ATAD2B: variants seen among roughly 807,000 people sequenced by gnomAD.
ATAD2B encodes ATPase family AAA domain-containing protein 2B.
A neutral mutation model predicts 167.6 loss-of-function variants in ATAD2B; 40 were observed. The observed-to-expected ratio is 0.24, with a 90% CI of 0.19 to 0.31. The LOEUF (loss-of-function observed/expected upper bound fraction) is 0.31. ATAD2B is among the 10% of genes least tolerant of loss of function. The pLI is 1.00. For synonymous variants in ATAD2B, 579 were observed against 596.5 expected (o/e 0.97, Z 0.43); for missense variants, 1,242 against 1,757.2 (o/e 0.71, Z 5.24).
the ATAD2B span, among the ~76,000 whole-genome samples, chr2:23,704,521 C>G: frequency 1.3e-5 from 2 of 152,212 alleles, no homozygotes; most frequent in African/African-American, 4.8e-5. Flanking sequence ...AATCCCAGCA[C>G]TTTGGGAGGC....
the ATAD2B span, among the ~76,000 whole-genome samples, chr2:23,740,123 C>T: frequency 5.3e-5 from 8 of 152,166 alleles, no homozygotes; most frequent in Non-Finnish European, 1.2e-4. Flanking sequence ...ACCAGAGGTA[C>T]AAAGAGGAGC....
chr2:23,864,311 T>C (rs940053058), intron 11 of ATAD2B, among the ~76,000 whole-genome samples: 2 of 152,080 alleles, frequency 1.3e-5, no homozygotes, highest in East Asian at 3.9e-4. Flanking sequence ...AGCCAGAATA[T>C]TCTATTCTGC....
At chr2:23,920,412 G>A (rs1490123111) in intron 1 of ATAD2B, among the ~76,000 whole-genome samples, 2 of 152,140 alleles carry the variant, frequency 1.3e-5, no homozygotes, top group Admixed American at 1.3e-4. Flanking sequence ...AGTACTGAGG[G>A]TAAAAACTGT....
At position 23,869,769 on chromosome 2, in the gene ATAD2B, AAG is replaced by A. The variant is rs754508978; in HGVS notation, c.978-10_978-9del. The A allele has an allele frequency of 1.8e-5, 27 of 1,537,176 alleles. No homozygotes were observed. The highest frequency in any genetic ancestry group is 1.7e-4 in the Middle Eastern group (1 of 5,970). Reference sequence around the variant, plus strand: ...ATGGCATGCTTCTTTCTCCTATTTAAAGAGAGTAAAATCCTTAAAACCATTAT... The same window carrying A: ...ATGGCATGCTTCTTTCTCCTATTTAAAGAGTAAAATCCTTAAAACCATTAT... On this transcript the variant is annotated splice_polypyrimidine_tract_variant and intron_variant, in intron 8 of 27. Coordinates refer to ENST00000238789, the MANE Select transcript of ATAD2B (RefSeq NM_017552.4).
At chr2:23,861,365 TACAA>T (rs1399360394) in intron 12 of ATAD2B, among the ~76,000 whole-genome samples, 10 of 151,522 alleles carry the variant, frequency 6.6e-5, no homozygotes, top group African/African-American at 2.2e-4. Context: ...TAAAGATAGA[TACAA>T]ACATTTTTCT....
At chr2:23,874,024 T>C (rs1696406703) in intron 8 of ATAD2B, among the ~76,000 whole-genome samples, 1 of 151,654 alleles carries the variant, frequency 6.6e-6, no homozygotes, top group Non-Finnish European at 1.5e-5. Flanking sequence ...CAGTATCTAC[T>C]AAAAATACAA....
In ATAD2B at chr2:23,757,669, C is replaced by G. The variant is rs1401050526; in HGVS notation, c.3827G>C (p.Ser1276Thr). 6.2e-7 allele frequency: 1 copy of G among 1,613,814 alleles called. No homozygotes were observed. The highest frequency in any genetic ancestry group is 1.7e-5 in the Admixed American group (1 of 60,006). ...TTCCAGAACTGGTATTCCTTCAAAA[C>G]TGTCAGTGGAAGCCTCACCATTTAG... ...NCLNGEASTD[S>T]FEGIPVLECQ... The change falls in exon 25 of 28, where the codon AGT becomes ACT. Residue 1276 changes from serine to threonine, a missense_variant. By Grantham distance (58) the Ser-to-Thr change is moderately conservative. Transcript: ENST00000238789.
chr2:23,814,179 G>A (rs1686066842), intron 17 of ATAD2B, among the ~76,000 whole-genome samples: 1 of 152,138 alleles, frequency 6.6e-6, no homozygotes, highest in Non-Finnish European at 1.5e-5. Flanking sequence ...GAGTTTATAT[G>A]CATAGTTTTC....
the ATAD2B span, chr2:23,696,148 G>A: frequency 6.5e-7 from 1 of 1,548,512 alleles, no homozygotes; most frequent in Non-Finnish European, 8.7e-7. This position sits in a 1 kb window ranked among gnomAD's most constrained non-coding sequence, Gnocchi z 5.5. Context: ...GGCCCCCCGG[G>A]GTTGGGGCGG....
intron 12 of ATAD2B, among the ~76,000 whole-genome samples, chr2:23,862,094 G>A (rs1311074145): frequency 6.6e-6 from 1 of 152,100 alleles, no homozygotes; most frequent in African/African-American, 2.4e-5. Flanking sequence ...TACCTAGAGA[G>A]GCCAAGGCCG....
chr2:23,786,339 T>C (rs1399641300), intron 20 of ATAD2B, 116 bp from the exon 21 acceptor site: 2 of 864,334 alleles, frequency 2.3e-6, no homozygotes, highest in East Asian at 5.3e-5. Context: ...CATGTGTTGC[T>C]TAACAACAGG....
At chr2:23,807,815 TAA>T (rs375966207) in intron 18 of ATAD2B, among the ~76,000 whole-genome samples, 4,981 of 119,356 alleles carry the variant, frequency 0.042, 141 homozygotes, top group Middle Eastern at 0.071. Flanking sequence ...GACTCCATCT[TAA>T]AAAAAAAAAA....
At chr2:23,769,907 C>T (rs1372996874) in intron 22 of ATAD2B, among the ~76,000 whole-genome samples, 1 of 151,246 alleles carries the variant, frequency 6.6e-6, no homozygotes, top group Non-Finnish European at 1.5e-5. Flanking sequence ...TGGTCTCCAA[C>T]TCCTGACCTC....
At chr2:23,765,360 A>AT in intron 23 of ATAD2B, 146 bp downstream of exon 23, 1 of 651,454 alleles carries the variant, frequency 1.5e-6, no homozygotes, top group Non-Finnish European at 2.2e-6. Context: ...GAGAATTTAC[A>AT]TAACACATTA....
the ATAD2B span, chr2:23,697,897 A>G: frequency 6.6e-6 from 1 of 152,212 alleles, no homozygotes; most frequent in Non-Finnish European, 1.5e-5. Flanking sequence ...CAAACACATG[A>G]AAAATGAGAC....
chr2:23,751,441 A>G lies in ATAD2B; in HGVS notation c.*605T>C, dbSNP rs1675343449. On this transcript the variant is annotated 3_prime_UTR_variant, in exon 28 of 28. Coordinates refer to ENST00000238789, the MANE Select transcript of ATAD2B (RefSeq NM_017552.4). ...CTAATTTATTTGCTTCAAACAGCCC[A>G]TCCTTTTAGCCTTATCTTCCTCAAA... The G allele has an allele frequency of 6.6e-6, 1 of 152,260 alleles. No individual in the cohort carries two copies. The highest frequency in any genetic ancestry group is 1.9e-4 in the East Asian group (1 of 5,182). The allele number at this position is 152,260 out of a possible 1,614,324, so 9.4% of individuals were successfully genotyped here.
At chr2:23,887,260 C>A (rs1319884953) in intron 4 of ATAD2B, among the ~76,000 whole-genome samples, 2 of 140,562 alleles carry the variant, frequency 1.4e-5, no homozygotes, top group African/African-American at 2.6e-5. Flanking sequence ...TGAGGTCTCA[C>A]TATGCTGCCG....
In ATAD2B at chr2:23,786,156, T is replaced by G; in HGVS notation, c.2844A>C (p.Glu948Asp). The G allele has an allele frequency of 6.2e-7, 1 of 1,601,108 alleles. No homozygotes were observed. The highest frequency in any genetic ancestry group is 8.5e-7 in the Non-Finnish European group (1 of 1,173,380). The change falls in exon 21 of 28, where the codon GAA becomes GAC. Residue 948 changes from glutamate to aspartate, a missense_variant. By Grantham distance (45) the Glu-to-Asp change is conservative. Coordinates refer to ENST00000238789, the MANE Select transcript of ATAD2B (RefSeq NM_017552.4). Reference protein sequence around the residue: ...PSPPRQLSESEKSRMEDQEEN... With the variant: ...PSPPRQLSESDKSRMEDQEEN... ...CCTCCTGGTCCTCCATTCGACTTTT[T>G]TCTGATTCTGATAATTGACGAGGTG...
chr2:23,679,021 C>T, the ATAD2B span, among the ~76,000 whole-genome samples: 1 of 145,340 alleles, frequency 6.9e-6, no homozygotes, highest in African/African-American at 2.6e-5. Flanking sequence ...CTGAACTGGA[C>T]ACTTTAAAAT....
Sources: allele counts gnomAD v4.1 joint callset (sites outside exome capture counted in the v4.1 genomes callset), GRCh38; gene constraint gnomAD v4.1.1; non-coding constraint Gnocchi (gnomAD v3.1); transcripts MANE v1.5; gene names NCBI Gene and HGNC (gene_info 2026-07-23, HGNC 2026-07-21).